The following ZC3HAV1 variants were observed in gnomAD, a reference collection of about 807,000 sequenced individuals.
ZC3HAV1 encodes the protein zinc finger CCCH-type containing, antiviral 1, also known as zinc finger CCCH-type antiviral protein 1.
Under a neutral mutation model 86.6 loss-of-function variants are expected in ZC3HAV1, and 41 were observed. That is an observed-to-expected ratio of 0.47 (90% confidence interval 0.37 to 0.61). The LOEUF (loss-of-function observed/expected upper bound fraction) is 0.61. Among genes scored for constraint, ZC3HAV1 ranks in the 20% least tolerant of loss-of-function variants. The pLI is 0.00. For synonymous variants in ZC3HAV1, 421 were observed against 432.1 expected, an observed-to-expected ratio of 0.97 and a Z score of 0.32; for missense variants, 964 against 1,141.1, an observed-to-expected ratio of 0.84 and a Z score of 2.24.
rs1369445000 is a variant in ZC3HAV1 at position 139,044,443 on chromosome 7, TTTC to T, written c.*3148_*3150del. The T allele has an allele frequency of 5.3e-5, 8 of 152,348 alleles. No homozygotes were observed. The East Asian group carries it at 1.3e-3, about 26-fold the overall frequency. The allele number at this position is 152,348 out of a possible 1,614,324, so 9.4% of individuals were successfully genotyped here. On this transcript the variant is annotated 3_prime_UTR_variant, in exon 13 of 13. Coordinates refer to ENST00000242351, the MANE Select transcript of ZC3HAV1 (RefSeq NM_020119.4). ...AAATTCATCTTCTTTTCATTATAAA[TTTC>T]TTCTTTTCTATTTCTCCTTAATAAG...
intron 2 of ZC3HAV1, among the ~76,000 whole-genome samples, chr7:139,084,494 T>A (rs1021144585): frequency 1.3e-5 from 2 of 152,252 alleles, no homozygotes; most frequent in African/African-American, 4.8e-5. Flanking sequence ...TGTATTTCCA[T>A]CTAAATAGAT....
intron 1 of ZC3HAV1, among the ~76,000 whole-genome samples, chr7:139,097,421 TATA>T (rs1817628388): frequency 3.6e-5 from 3 of 84,286 alleles, no homozygotes; most frequent in African/African-American, 1.2e-4. Context: ...TATATATATA[TATA>T]TATATTTTTT....
chr7:139,062,242 C>T (rs762645221), intron 8 of ZC3HAV1, among the ~76,000 whole-genome samples: 13 of 152,286 alleles, frequency 8.5e-5, no homozygotes, highest in Non-Finnish European at 1.5e-4. Context: ...CACACACACA[C>T]ACACACACAA....
At chr7:139,053,729 CA>C (rs757194516) in intron 11 of ZC3HAV1, 148 bp from the exon 12 acceptor site, 14 of 1,141,280 alleles carry the variant, frequency 1.2e-5, no homozygotes, top group Non-Finnish European at 1.7e-5. Flanking sequence ...AGCAGCTGTA[CA>C]ATAATAAATT....
chr7:139,064,741 A>G, intron 8 of ZC3HAV1, 138 bp downstream of exon 8: 1 of 1,401,220 alleles, frequency 7.1e-7, no homozygotes, highest in South Asian at 1.3e-5. Flanking sequence ...GATGGCCACT[A>G]GCTTGCACTC....
chr7:139,056,381 T>G (rs1400730587), intron 9 of ZC3HAV1, among the ~76,000 whole-genome samples: 3 of 22,740 alleles, frequency 1.3e-4, no homozygotes, highest in Admixed American at 3.7e-4. Context: ...TTTTTATTGT[T>G]TTTTTTTTTT....
In ZC3HAV1 at chr7:139,053,982, G is replaced by A; in HGVS notation, c.2301C>T (p.Leu767=). The part of the protein sequence containing the change: ...EKIKKIENSE[L]LDKFTWKKSQ... ...CCACCAACCATGTAAATTTATCCAG[G>A]AGCTCTGAGTTCTCGATCTTCTTTA... The change falls in exon 11 of 13, where the codon CTC becomes CTT. Residue 767 remains leucine, a synonymous_variant. Transcript: ENST00000242351. 2 of 1,603,316 alleles carry A rather than the reference G, an allele frequency of 1.2e-6. No homozygotes were observed. Among genetic ancestry groups the A allele is most frequent in the Non-Finnish European group, 1.7e-6 (2 of 1,177,518 alleles).
intron 4 of ZC3HAV1, 140 bp from the exon 5 acceptor site, chr7:139,078,793 G>A (rs1817034277): frequency 1.4e-6 from 1 of 734,468 alleles, no homozygotes; most frequent in Non-Finnish European, 2.1e-6. Context: ...TTTTGCCCAT[G>A]AGCATCTAGA....
rs1034267513 is a variant in ZC3HAV1 at position 139,079,816 on chromosome 7, A to G, written c.1125T>C (p.Thr375=). 11 of 1,614,030 alleles carry G rather than the reference A, an allele frequency of 6.8e-6. No individual in the cohort carries two copies. The highest frequency in any genetic ancestry group is 9.3e-6 in the Non-Finnish European group (11 of 1,180,028). ...CGGCAGGTAGCGTGGGAGAAAACAC[A>G]GTCTTTCTCCTGGCGCCTTGGTCAT... The part of the protein sequence containing the change: ...WTNDQGARRK[T]VFSPTLPAAR... The change falls in exon 4 of 13, where the codon ACT becomes ACC. Residue 375 remains threonine, a synonymous_variant. Transcript: ENST00000242351.
intron 1 of ZC3HAV1, among the ~76,000 whole-genome samples, chr7:139,098,425 G>A (rs1442304010): frequency 2.0e-5 from 3 of 152,168 alleles, no homozygotes; most frequent in Non-Finnish European, 4.4e-5. Context: ...TGATAGGCAT[G>A]CGGGATCAAA....
At chr7:139,095,934 T>C (rs924273623) in intron 1 of ZC3HAV1, among the ~76,000 whole-genome samples, 6 of 152,206 alleles carry the variant, frequency 3.9e-5, no homozygotes, top group Admixed American at 6.5e-5. Flanking sequence ...TTGAGAAACA[T>C]TGCCCTAGGT....
chr7:139,064,160 C>T lies in ZC3HAV1; in HGVS notation c.1993+719G>A, dbSNP rs1388595383. On this transcript the variant is annotated intron_variant, in intron 8 of 12. Coordinates refer to ENST00000242351, the MANE Select transcript of ZC3HAV1 (RefSeq NM_020119.4). ...GTCATCTAAGGCCCACTAAGCGGTA[C>T]AGGATCCAACTGCAGGTACCATCTG... Among the ~76,000 whole-genome samples, 4 of 152,348 alleles carry T rather than the reference C, an allele frequency of 2.6e-5. No individual in the cohort carries two copies. In the East Asian group the frequency reaches 7.7e-4, roughly 29 times the overall value.
At chr7:139,063,730 A>G (rs1001759231) in intron 8 of ZC3HAV1, among the ~76,000 whole-genome samples, 5 of 137,590 alleles carry the variant, frequency 3.6e-5, no homozygotes, top group Non-Finnish European at 8.3e-5. Context: ...TCTCAAAAAA[A>G]AAAAAAAAAA....
chr7:139,071,103 CT>C lies in ZC3HAV1; in HGVS notation c.1872+2752del, dbSNP rs1463945923. On this transcript the variant is annotated intron_variant, in intron 7 of 12. Coordinates refer to ENST00000242351, the MANE Select transcript of ZC3HAV1 (RefSeq NM_020119.4). ...AATAGTTCCTTTTGGTTTCTGAAAC[CT>C]TTTTTTTTTTTTTTTGGAGTCTTAC... Among the ~76,000 whole-genome samples, 683 of 135,258 alleles carry C rather than the reference CT, an allele frequency of 5.0e-3. 3 individuals are homozygous for C. The highest frequency in any genetic ancestry group is 0.011 in the East Asian group (55 of 4,802). The allele number at this position is 135,258 out of a possible 152,430, so 88.7% of individuals were successfully genotyped here.
chr7:139,076,402 G>A lies in ZC3HAV1; in HGVS notation c.1581C>T (p.Cys527=). ...AAGGCAGATGGAAGTGGACTTTGCT[G>A]CAGCTACCTACAAAGACAAAGAAGG... ...LCKGCPLNGS[C]SKVHFHLPYR... Residue 527 remains cysteine, a synonymous_variant, in exon 6 of 13, where the codon TGC becomes TGT. Transcript: ENST00000242351. The A allele has an allele frequency of 1.2e-6, 2 of 1,614,024 alleles. No individual in the cohort carries two copies. The highest frequency in any genetic ancestry group is 1.7e-6 in the Non-Finnish European group (2 of 1,179,970).
At position 139,047,735 on chromosome 7, in the gene ZC3HAV1, C is replaced by T. The variant is rs140966004; in HGVS notation, c.2568G>A (p.Thr856=). 3.1e-4 allele frequency: 503 copies of T among 1,614,138 alleles called. 2 individuals carry two copies. The African/African-American group carries it at 5.5e-3, about 18-fold the overall frequency. Residue 856 remains threonine (T), a synonymous_variant, in exon 13 of 13, where the codon ACG becomes ACA. Transcript: ENST00000242351. Reference sequence around the variant, plus strand: ...CGAACTGTGGAGGAGGGCTCGTGTACGTTATATTTCCTTCAGTAAACTTTC... The same window carrying T: ...CGAACTGTGGAGGAGGGCTCGTGTATGTTATATTTCCTTCAGTAAACTTTC... ...LVGKFTEGNI[T]YTSPPPQFDS...
intron 7 of ZC3HAV1, among the ~76,000 whole-genome samples, chr7:139,068,127 T>C (rs1816662625): frequency 6.6e-6 from 1 of 151,570 alleles, no homozygotes; most frequent in South Asian, 2.1e-4. Flanking sequence ...TGGTGTGATA[T>C]CAGCTCACTG....
In ZC3HAV1 at chr7:139,060,546, G is replaced by A. The variant is rs921802649; in HGVS notation, c.2096+490C>T. ...GTAGGAAAACAAAAGACACCCAAAA[G>A]AATCCACAGCAAAGCCAGGCACGGT... On this transcript the variant is annotated intron_variant, in intron 9 of 12. Transcript: ENST00000242351. The A allele has an allele frequency of 3.0e-6, 3 of 997,080 alleles. No homozygotes were observed. The African/African-American group carries it at 5.3e-5, about 17-fold the overall frequency. 61.8% of individuals were successfully genotyped at this position (997,080 alleles called of 1,614,324 possible).
At chr7:139,102,120 T>G (rs1386886321) in intron 1 of ZC3HAV1, among the ~76,000 whole-genome samples, 1 of 152,170 alleles carries the variant, frequency 6.6e-6, no homozygotes, top group Non-Finnish European at 1.5e-5. Context: ...AGCAAATACT[T>G]AAAACAATAT....
Sources: allele counts gnomAD v4.1 joint callset (sites outside exome capture counted in the v4.1 genomes callset), GRCh38; gene constraint gnomAD v4.1.1; transcripts MANE v1.5; gene names NCBI Gene and HGNC (gene_info 2026-07-23, HGNC 2026-07-21).